Variants in GRIK2 observed in about 807,000 individuals in gnomAD.
GRIK2 encodes the protein glutamate receptor ionotropic, kainate 2.
In GRIK2, 32 loss-of-function variants were observed where a neutral mutation model predicts 100.3. The observed-to-expected ratio is 0.32, with a 90% CI of 0.24 to 0.43. The LOEUF is 0.43. Ranked by LOEUF, GRIK2 falls within the 20% of genes least tolerant of loss-of-function variation. The pLI is 1.00. For missense variants in GRIK2, 843 were observed against 1,114.9 expected (o/e 0.76, Z 3.47); for synonymous variants, 417 against 389.4 (o/e 1.07, Z -0.83).
At chr6:101,795,266 A>T (rs889010998) in intron 7 of GRIK2, among the ~76,000 whole-genome samples, 2 of 152,132 alleles carry the variant, frequency 1.3e-5, no homozygotes, top group African/African-American at 2.4e-5. Flanking sequence ...CTTTGATTAT[A>T]GGGTTAGCAG....
At chr6:101,785,034 C>T (rs368744260) in intron 7 of GRIK2, among the ~76,000 whole-genome samples, 3 of 152,174 alleles carry the variant, frequency 2.0e-5, no homozygotes, top group African/African-American at 7.2e-5. Flanking sequence ...TTTTGACTTG[C>T]ATTTCCCTGA....
intron 7 of GRIK2, among the ~76,000 whole-genome samples, chr6:101,737,090 C>A (rs1235121762): frequency 1.3e-5 from 2 of 152,140 alleles, no homozygotes; most frequent in African/African-American, 4.8e-5. Flanking sequence ...CCGAGACCAC[C>A]TCAGCCTTGA....
intron 14 of GRIK2, among the ~76,000 whole-genome samples, chr6:102,020,245 G>GAA (rs143416157): frequency 6.6e-6 from 1 of 150,472 alleles, no homozygotes; most frequent in African/African-American, 2.4e-5. Context: ...TAGTGTTAAA[G>GAA]AAAAAAAAAT....
intron 14 of GRIK2, among the ~76,000 whole-genome samples, chr6:102,027,959 G>A (rs141581770): frequency 7.9e-4 from 119 of 151,078 alleles, no homozygotes; most frequent in South Asian, 3.9e-3. Context: ...TAATATTTTC[G>A]AAGAAATTTA....
At chr6:101,899,452 GTTA>G (rs1787698633) in intron 12 of GRIK2, among the ~76,000 whole-genome samples, 2 of 151,730 alleles carry the variant, frequency 1.3e-5, no homozygotes, top group South Asian at 4.1e-4. Context: ...CAAGCCTATA[GTTA>G]TTTTTTCTAT....
intron 12 of GRIK2, among the ~76,000 whole-genome samples, chr6:101,914,750 T>C (rs1016061686): frequency 2.0e-5 from 3 of 151,662 alleles, no homozygotes; most frequent in Admixed American, 6.6e-5. Flanking sequence ...GATATCAGGT[T>C]TCTTGAGCTT....
intron 2 of GRIK2, among the ~76,000 whole-genome samples, chr6:101,606,209 C>T (rs1779431555): frequency 6.6e-6 from 1 of 151,936 alleles, no homozygotes; most frequent in Admixed American, 6.6e-5. Flanking sequence ...GGTTGTGGTG[C>T]TGTAATATTA....
chr6:101,746,515 C>T (rs1776429358), intron 7 of GRIK2, among the ~76,000 whole-genome samples: 1 of 152,022 alleles, frequency 6.6e-6, no homozygotes, highest in African/African-American at 2.4e-5. Context: ...TTAGTAGAGG[C>T]AGGGTTTCAC....
At chr6:101,740,203 C>T (rs999351727) in intron 7 of GRIK2, among the ~76,000 whole-genome samples, 2 of 152,126 alleles carry the variant, frequency 1.3e-5, no homozygotes, top group South Asian at 2.1e-4. Flanking sequence ...CTCAGCTGGC[C>T]GGATCTGGTG....
chr6:101,602,476 A>C (rs531762742), intron 2 of GRIK2, among the ~76,000 whole-genome samples: 3 of 151,482 alleles, frequency 2.0e-5, no homozygotes, highest in East Asian at 3.9e-4. Flanking sequence ...AATACCTCTT[A>C]AGCAGAAATT....
At chr6:101,787,233 G>T (rs966123784) in intron 7 of GRIK2, among the ~76,000 whole-genome samples, 2 of 150,706 alleles carry the variant, frequency 1.3e-5, no homozygotes, top group African/African-American at 4.9e-5. Context: ...TTAACTAGAA[G>T]TTTGTCAATT....
intron 7 of GRIK2, among the ~76,000 whole-genome samples, chr6:101,725,720 T>C (rs748647207): frequency 6.6e-6 from 1 of 152,022 alleles, no homozygotes; most frequent in Non-Finnish European, 1.5e-5. Context: ...TAATCTTCAA[T>C]ATCTGTAGGC....
chr6:101,428,950 G>C (rs1769220018), intron 2 of GRIK2, among the ~76,000 whole-genome samples: 1 of 152,090 alleles, frequency 6.6e-6, no homozygotes, highest in African/African-American at 2.4e-5. Context: ...TATCAGACTT[G>C]CTGCATTAGA....
intron 14 of GRIK2, among the ~76,000 whole-genome samples, chr6:101,998,119 G>C (rs181609185): frequency 6.6e-6 from 1 of 151,966 alleles, no homozygotes; most frequent in African/African-American, 2.4e-5. Flanking sequence ...TCTCAATACT[G>C]CTCCTAATCA....
chr6:101,763,909 G>A (rs555882830), intron 7 of GRIK2, among the ~76,000 whole-genome samples: 2 of 151,894 alleles, frequency 1.3e-5, no homozygotes, highest in South Asian at 2.1e-4. Flanking sequence ...AAATAGTACC[G>A]GTGTTTGCAC....
chr6:101,937,049 T>G (rs998217431), intron 14 of GRIK2, among the ~76,000 whole-genome samples: 1 of 152,138 alleles, frequency 6.6e-6, no homozygotes, highest in African/African-American at 2.4e-5. Flanking sequence ...CTCTCTAAAA[T>G]ATCTAAGGGA....
chr6:101,833,099 TTCTTA>T (rs774287440), intron 10 of GRIK2, among the ~76,000 whole-genome samples: 3 of 152,200 alleles, frequency 2.0e-5, no homozygotes, highest in East Asian at 1.9e-4. Context: ...TTGAATTTTT[TTCTTA>T]TCTTGAGTCA....
At chr6:101,775,851 TCTTA>T (rs754948040) in intron 7 of GRIK2, among the ~76,000 whole-genome samples, 148 of 151,910 alleles carry the variant, frequency 9.7e-4, no homozygotes, top group Non-Finnish European at 8.4e-4. Context: ...AGAGATGTGG[TCTTA>T]CTTTGCCACC....
At chr6:102,015,447 G>T (rs1316952355) in intron 14 of GRIK2, among the ~76,000 whole-genome samples, 2 of 152,168 alleles carry the variant, frequency 1.3e-5, no homozygotes, top group East Asian at 1.9e-4. Context: ...TTCAAGGTTA[G>T]TATTGATATG....
Sources: allele counts gnomAD v4.1 joint callset (sites outside exome capture counted in the v4.1 genomes callset), GRCh38; gene constraint gnomAD v4.1.1; transcripts MANE v1.5; gene names NCBI Gene and HGNC (gene_info 2026-07-23, HGNC 2026-07-21).